The following PSTPIP1 variants were observed in gnomAD, a reference collection of about 807,000 sequenced individuals.
PSTPIP1 encodes the protein proline-serine-threonine phosphatase interacting protein 1, also known as proline-serine-threonine phosphatase-interacting protein 1.
A neutral mutation model predicts 69.6 loss-of-function variants in PSTPIP1; 66 were observed. The observed-to-expected ratio is 0.95, with a 90% CI of 0.78 to 1.16. The LOEUF (loss-of-function observed/expected upper bound fraction) is 1.16. Among genes scored for constraint, PSTPIP1 ranks in the 50% most tolerant of loss-of-function variants. PSTPIP1 has a pLI of 0.00. For missense variants in PSTPIP1, 603 were observed against 557.4 expected, an observed-to-expected ratio of 1.08 and a Z score of -0.82; for synonymous variants, 266 against 222.7, an observed-to-expected ratio of 1.19 and a Z score of -1.73.
chr15:77,011,259 G>A (rs2075929113), intron 1 of PSTPIP1, among the ~76,000 whole-genome samples: 1 of 152,200 alleles, frequency 6.6e-6, no homozygotes, highest in Non-Finnish European at 1.5e-5. Context: ...CATGCACAGT[G>A]TGTCCTTGTC....
intron 4 of PSTPIP1, 42 bp from the exon 5 acceptor site, chr15:77,025,456 C>G: frequency 6.3e-7 from 1 of 1,583,342 alleles, no homozygotes; most frequent in Non-Finnish European, 8.6e-7. Flanking sequence ...TGAGGCCCAT[C>G]AGATCTGACA....
chr15:76,998,203 A>G (rs1257671478), intron 1 of PSTPIP1, among the ~76,000 whole-genome samples: 10 of 152,128 alleles, frequency 6.6e-5, no homozygotes, highest in Non-Finnish European at 1.5e-4. Context: ...GTGCCACTGT[A>G]CTCTAGCCTG....
At chr15:77,035,638 TG>T (rs1210443651) in intron 13 of PSTPIP1, 75 bp downstream of exon 13, 1 of 1,504,416 alleles carries the variant, frequency 6.6e-7, no homozygotes, top group African/African-American at 1.4e-5. Flanking sequence ...ATGGCACAGA[TG>T]GGGCCACTGA....
intron 1 of PSTPIP1, among the ~76,000 whole-genome samples, chr15:77,006,653 C>A (rs1333685644): frequency 2.0e-5 from 3 of 152,160 alleles, no homozygotes; most frequent in Non-Finnish European, 4.4e-5. Flanking sequence ...CAGCTTAATT[C>A]TTTTGCATGT....
chr15:77,000,713 T>C (rs1462446042), intron 1 of PSTPIP1, among the ~76,000 whole-genome samples: 4 of 152,144 alleles, frequency 2.6e-5, no homozygotes, highest in African/African-American at 9.7e-5. Context: ...TTTACAAATT[T>C]TTTATTTTTG....
At chr15:77,014,506 C>T (rs535675331) in intron 1 of PSTPIP1, among the ~76,000 whole-genome samples, 33 of 152,324 alleles carry the variant, frequency 2.2e-4, no homozygotes, top group African/African-American at 7.0e-4. Context: ...CCTAGAGGGG[C>T]GGGCTGTCAG....
chr15:76,996,812 C>T (rs1354926555), intron 1 of PSTPIP1, among the ~76,000 whole-genome samples: 2 of 152,212 alleles, frequency 1.3e-5, no homozygotes, highest in Non-Finnish European at 2.9e-5. Context: ...TGCCTCAGCC[C>T]ATCCGGAGGA....
At chr15:77,029,622 G>T in intron 8 of PSTPIP1, 48 bp downstream of exon 8, 1 of 1,539,388 alleles carries the variant, frequency 6.5e-7, no homozygotes, top group Non-Finnish European at 8.8e-7. Flanking sequence ...GGCCTGGGCG[G>T]TACTCCCCAC....
chr15:77,034,394 C>T (rs566277115), intron 12 of PSTPIP1, among the ~76,000 whole-genome samples: 10 of 152,204 alleles, frequency 6.6e-5, no homozygotes, highest in East Asian at 1.9e-4. Flanking sequence ...GTCCACCCTG[C>T]GCATGTGTGT....
intron 3 of PSTPIP1, chr15:77,024,101 T>C: frequency 6.6e-6 from 1 of 152,318 alleles, no homozygotes. Flanking sequence ...GCTGGCAGAG[T>C]TGTGAGCAGT....
chr15:77,035,656 CAA>C, intron 13 of PSTPIP1, 93 bp downstream of exon 13: 2 of 1,484,088 alleles, frequency 1.3e-6, no homozygotes, highest in Non-Finnish European at 1.8e-6. Flanking sequence ...CTGAGGCCCT[CAA>C]GAGGAAGTGT....
At position 77,035,534 on chromosome 15, in the gene PSTPIP1, C is replaced by T; in HGVS notation, c.956C>T (p.Pro319Leu). 6 of 1,592,646 alleles carry T rather than the reference C, an allele frequency of 3.8e-6. No homozygotes were observed. The highest frequency in any genetic ancestry group is 5.1e-6 in the Non-Finnish European group (6 of 1,170,138). Reference sequence around the variant, plus strand: ...TTCTCTGGACTGCTGCACGGAAGTCCCAAGACCACTTCGTTGGCAGCTTCT... The same window carrying T: ...TTCTCTGGACTGCTGCACGGAAGTCTCAAGACCACTTCGTTGGCAGCTTCT... ...KRFSGLLHGSPKTTSLAASAA... is the reference protein window; with the variant it reads ...KRFSGLLHGSLKTTSLAASAA... Residue 319 changes from proline to leucine, a missense_variant, in exon 13 of 15, where the codon CCC (proline) becomes CTC (leucine). Pro to Leu is a moderately conservative substitution (Grantham distance 98). Transcript: ENST00000558012.
intron 1 of PSTPIP1, among the ~76,000 whole-genome samples, chr15:76,999,299 GA>G (rs551158769): frequency 6.7e-6 from 1 of 148,298 alleles, no homozygotes; most frequent in African/African-American, 2.5e-5. Flanking sequence ...TTTTTTTTGA[GA>G]AAGAATCTTA....
chr15:77,032,932 G>A lies in PSTPIP1; in HGVS notation c.909G>A (p.Pro303=), dbSNP rs758699821. The change falls in exon 12 of 15, where the codon CCG becomes CCA. Residue 303 remains proline (P), a synonymous_variant. Transcript: ENST00000558012. The part of the protein sequence containing the change: ...TPLTSSPGIQ[P]SCGMIKRFSG... ...TGACCAGCAGCCCTGGCATACAGCC[G>A]TCCTGCGGCATGATAAAGAGGTGAG... The A allele has an allele frequency of 2.4e-5, 38 of 1,604,518 alleles. No homozygotes were observed. The highest frequency in any genetic ancestry group is 1.1e-4 in the African/African-American group (8 of 74,766).
Position 76,995,291 on chromosome 15 carries a change from G to GGGGCT in PSTPIP1, c.-275_-271dup, listed in dbSNP as rs886051491. On this transcript the variant is annotated 5_prime_UTR_variant, in exon 1 of 15. Coordinates refer to ENST00000558012, the MANE Select transcript of PSTPIP1 (RefSeq NM_003978.5). The stretch of plus-strand genomic sequence containing the variant: ...TCCTCCATCACCGCAGGGTCGGTGA[G>GGGGCT]GGGCTGGGCTGGACACCAGGGCCCG... The GGGGCT allele has an allele frequency of 8.9e-5, 121 of 1,352,148 alleles. No homozygotes were observed. The highest frequency in any genetic ancestry group is 1.1e-4 in the Non-Finnish European group (118 of 1,047,184). The allele number at this position is 1,352,148 out of a possible 1,614,324, so 83.8% of individuals were successfully genotyped here.
At chr15:77,011,166 C>T (rs554509883) in intron 1 of PSTPIP1, among the ~76,000 whole-genome samples, 2 of 152,280 alleles carry the variant, frequency 1.3e-5, no homozygotes, top group Non-Finnish European at 2.9e-5. Context: ...GAGAGAGTCA[C>T]CTCTCTTGTC....
chr15:77,019,355 C>T (rs1031802766), intron 3 of PSTPIP1, among the ~76,000 whole-genome samples: 2 of 152,214 alleles, frequency 1.3e-5, no homozygotes, highest in African/African-American at 4.8e-5. Context: ...GTCCTCCTGC[C>T]GAGGGGCCCT....
At chr15:77,007,761 A>AT (rs1019898168) in intron 1 of PSTPIP1, 13 of 368,976 alleles carry the variant, frequency 3.5e-5, no homozygotes, top group Non-Finnish European at 6.5e-5. Flanking sequence ...TGCCCAGCTA[A>AT]TTTTTTTGTA....
At chr15:76,999,103 T>C (rs1016336631) in intron 1 of PSTPIP1, among the ~76,000 whole-genome samples, 2 of 152,116 alleles carry the variant, frequency 1.3e-5, no homozygotes, top group Non-Finnish European at 2.9e-5. Flanking sequence ...GCCCCCAGTT[T>C]GTCGTGGCTC....
Sources: gnomAD v4.1 joint callset for allele counts (sites outside exome capture counted in the v4.1 genomes callset) on GRCh38, gnomAD v4.1.1 for gene constraint, MANE v1.5 for transcripts, NCBI Gene and HGNC (gene_info 2026-07-23, HGNC 2026-07-21) for gene names.